Variants in SLC8A2 observed in about 807,000 individuals in gnomAD.
SLC8A2 encodes the protein sodium/calcium exchanger 2.
In SLC8A2, 14 loss-of-function variants were observed where a neutral mutation model predicts 70.2. The ratio of observed to expected loss-of-function variants is 0.20; its 90% CI spans 0.13 to 0.31. The LOEUF (loss-of-function observed/expected upper bound fraction) is 0.31. SLC8A2 is among the 10% of genes least tolerant of loss of function. SLC8A2 has a pLI of 1.00. For missense variants in SLC8A2, 779 were observed against 1,320.1 expected (o/e 0.59, Z 6.35); for synonymous variants, 575 against 594.3 (o/e 0.97, Z 0.47).
chr19:47,456,715 C>T (rs1194538698), intron 3 of SLC8A2, among the ~76,000 whole-genome samples: 1 of 152,206 alleles, frequency 6.6e-6, no homozygotes, highest in Non-Finnish European at 1.5e-5. Context: ...GTGTAGCCTT[C>T]GGATAGCCAT....
chr19:47,456,028 C>T (rs1182016079), intron 3 of SLC8A2, among the ~76,000 whole-genome samples: 2 of 152,232 alleles, frequency 1.3e-5, no homozygotes, highest in African/African-American at 4.8e-5. Flanking sequence ...TTTATATCCT[C>T]ATTGCAATTT....
At chr19:47,441,285 C>T (rs1313519356) in intron 5 of SLC8A2, 52 bp downstream of exon 5, 15 of 1,584,706 alleles carry the variant, frequency 9.5e-6, no homozygotes, top group East Asian at 2.2e-5. Context: ...CCCTGAAAGT[C>T]CCCCGACCCT....
chr19:47,444,405 C>G (rs938828120), intron 4 of SLC8A2, among the ~76,000 whole-genome samples: 2 of 152,160 alleles, frequency 1.3e-5, no homozygotes, highest in African/African-American at 4.8e-5. Flanking sequence ...ATCCGCCCAC[C>G]TCCACCCTCC....
At chr19:47,446,982 C>A (rs1220602292) in intron 4 of SLC8A2, among the ~76,000 whole-genome samples, 1 of 152,106 alleles carries the variant, frequency 6.6e-6, no homozygotes, top group Non-Finnish European at 1.5e-5. Context: ...AGCCCTCAGG[C>A]TCCCCAGTGT....
At chr19:47,436,825 C>G (rs193087440) in intron 8 of SLC8A2, among the ~76,000 whole-genome samples, 84 of 152,250 alleles carry the variant, frequency 5.5e-4, no homozygotes, top group African/African-American at 1.8e-3. Flanking sequence ...GCAGTGTGGG[C>G]CTGTCTGAGG....
intron 1 of SLC8A2, among the ~76,000 whole-genome samples, chr19:47,470,961 G>A (rs1174025391): frequency 6.6e-6 from 1 of 151,988 alleles, no homozygotes; most frequent in South Asian, 2.1e-4. Flanking sequence ...CCCACTCTGC[G>A]GGTGGGGGGG....
intron 1 of SLC8A2, among the ~76,000 whole-genome samples, chr19:47,470,545 A>G (rs954063522): frequency 2.0e-5 from 3 of 152,186 alleles, no homozygotes; most frequent in Non-Finnish European, 4.4e-5. Flanking sequence ...ACACCAGGAA[A>G]GGGATGGAAG....
chr19:47,435,201 G>C (rs779103678), intron 8 of SLC8A2, among the ~76,000 whole-genome samples: 1 of 151,904 alleles, frequency 6.6e-6, no homozygotes, highest in African/African-American at 2.4e-5. Flanking sequence ...CTGGATGACA[G>C]AGACTACATA....
intron 2 of SLC8A2, among the ~76,000 whole-genome samples, chr19:47,460,438 C>T (rs570158339): frequency 6.6e-6 from 1 of 152,214 alleles, no homozygotes; most frequent in Non-Finnish European, 1.5e-5. Flanking sequence ...TGGCTCACGC[C>T]TGTAATCCCA....
In SLC8A2 at chr19:47,430,408, C is replaced by G; in HGVS notation, c.2447G>C (p.Gly816Ala). 6.2e-7 allele frequency: 1 copy of G among 1,609,442 alleles called. No homozygotes were observed. ...CACCGCGTTGGAGCCGGTCACGTTG[C>G]CGATGGACGCGTCGGCGCACTGGTC... Reference protein sequence around the residue: ...LQDQCADASIGNVTGSNAVNV... With the variant: ...LQDQCADASIANVTGSNAVNV... The change falls in exon 10 of 10, where the codon GGC becomes GCC. Residue 816 changes from glycine (G) to alanine (A), a missense_variant. Coordinates refer to ENST00000236877, the MANE Select transcript of SLC8A2 (RefSeq NM_015063.3). The surrounding 1 kb of genome is among the most constrained non-coding windows in gnomAD (Gnocchi z 5.9).
chr19:47,459,506 CTCTG>C (rs1967361900), intron 2 of SLC8A2, among the ~76,000 whole-genome samples: 1 of 152,076 alleles, frequency 6.6e-6, no homozygotes, highest in Non-Finnish European at 1.5e-5. Context: ...TGCTCCCCAT[CTCTG>C]TGTGTGTGCA....
Position 47,456,956 on chromosome 19 carries a change from G to T in SLC8A2, c.1314C>A (p.Ala438=). 6.2e-7 allele frequency: 1 copy of T among 1,610,206 alleles called. No individual in the cohort carries two copies. The highest frequency in any genetic ancestry group is 1.1e-5 in the South Asian group (1 of 90,648). The change falls in exon 3 of 10, where the codon GCC becomes GCA. Residue 438 remains alanine (A), a synonymous_variant. Coordinates refer to ENST00000236877, the MANE Select transcript of SLC8A2 (RefSeq NM_015063.3). ...TGTACTCGTAGTCGGAGCCCGCCTTGGCAGAGCCGTCCTCAGTGCGGTAGT... is the reference window on the plus strand; with the variant it reads ...TGTACTCGTAGTCGGAGCCCGCCTTTGCAGAGCCGTCCTCAGTGCGGTAGT... The part of the protein sequence containing the change: ...YVDYRTEDGS[A]KAGSDYEYSE...
Position 47,466,596 on chromosome 19 carries a change from AG to A in SLC8A2, c.-16-178del, listed in dbSNP as rs1170450603. Among the ~76,000 whole-genome samples, 136 of 152,116 alleles carry A rather than the reference AG, an allele frequency of 8.9e-4. 2 individuals carry two copies. Among genetic ancestry groups the A allele is most frequent in the Admixed American group, 1.9e-3 (29 of 15,278 alleles). On this transcript the variant is annotated intron_variant, in intron 1 of 9. Transcript: ENST00000236877. This position sits in a 1 kb window ranked among gnomAD's most constrained non-coding sequence, Gnocchi z 6.9. ...GACAGACAGAGACCCACAGAGAGAG[AG>A]AGAGACTGAAAGATAAGGACAGAGG...
chr19:47,456,980 G>A lies in SLC8A2; in HGVS notation c.1290C>T (p.Asp430=). The A allele has an allele frequency of 1.2e-6, 2 of 1,612,540 alleles. No homozygotes were observed. The highest frequency in any genetic ancestry group is 1.7e-6 in the Non-Finnish European group (2 of 1,179,544). ...GGEGNSTFYV[D]YRTEDGSAKA... is the part of the protein sequence containing the mutation. ...TGGCAGAGCCGTCCTCAGTGCGGTA[G>A]TCCACGTAGAAGGTGCTGTTGCCCT... Residue 430 remains aspartate, a synonymous_variant, in exon 3 of 10, where the codon GAC becomes GAT. Coordinates refer to ENST00000236877, the MANE Select transcript of SLC8A2 (RefSeq NM_015063.3).
intron 3 of SLC8A2, among the ~76,000 whole-genome samples, chr19:47,454,158 A>AAAAC (rs1967276365): frequency 6.6e-6 from 1 of 152,066 alleles, no homozygotes; most frequent in African/African-American, 2.4e-5. Context: ...AAAACAATAA[A>AAAAC]AAACAATCTT....
rs1188649394 is a variant in SLC8A2 at position 47,457,020 on chromosome 19, G to T, written c.1250C>A (p.Thr417Lys). The T allele has an allele frequency of 6.2e-7, 1 of 1,612,116 alleles. No individual in the cohort carries two copies. The highest frequency in any genetic ancestry group is 8.5e-7 in the Non-Finnish European group (1 of 1,179,294). ...ENCGSVLLSV[T>K]CQGGEGNSTF... ...GCTGTTGCCCTCGCCGCCCTGGCAC[G>T]TGACGGACAGCAGCACGGAGCCGCA... Residue 417 changes from threonine to lysine, a missense_variant, in exon 3 of 10, where the codon ACG (threonine) becomes AAG (lysine). By Grantham distance (78) the Thr-to-Lys change is moderately conservative. This residue lies in a region of SLC8A2 where 186 missense variants were observed against 246.6 expected (regional missense o/e 0.75). Transcript: ENST00000236877.
At chr19:47,463,595 G>A (rs1371073376) in intron 2 of SLC8A2, among the ~76,000 whole-genome samples, 1 of 150,410 alleles carries the variant, frequency 6.6e-6, no homozygotes, top group Non-Finnish European at 1.5e-5. Flanking sequence ...AGCTGACGTG[G>A]TGGAACACAC....
Position 47,432,160 on chromosome 19 carries a change from G to C in SLC8A2, c.2389+7C>G. On this transcript the variant is annotated splice_region_variant and intron_variant, in intron 9 of 9. Transcript: ENST00000236877. This position sits in a 1 kb window ranked among gnomAD's most constrained non-coding sequence, Gnocchi z 6.2. Reference sequence around the variant, plus strand: ...TCCTACCCCACCAAAGTCTCCCAGGGTGTTACCAGGGATGGAGGTGCCCAG... The same window carrying C: ...TCCTACCCCACCAAAGTCTCCCAGGCTGTTACCAGGGATGGAGGTGCCCAG... 1.9e-6 allele frequency: 3 copies of C among 1,600,218 alleles called. No homozygotes were observed. The highest frequency in any genetic ancestry group is 2.6e-6 in the Non-Finnish European group (3 of 1,171,570).
intron 3 of SLC8A2, among the ~76,000 whole-genome samples, chr19:47,450,194 G>A (rs755158558): frequency 7.2e-5 from 11 of 152,092 alleles, no homozygotes; most frequent in Non-Finnish European, 1.5e-4. Flanking sequence ...ACCCTGCTAT[G>A]TGATCCATAT....
Sources: allele counts gnomAD v4.1 joint callset (sites outside exome capture counted in the v4.1 genomes callset), GRCh38; gene constraint gnomAD v4.1.1; regional missense constraint gnomAD v4.1.1; non-coding constraint Gnocchi (gnomAD v3.1); transcripts MANE v1.5; gene names NCBI Gene and HGNC (gene_info 2026-07-23, HGNC 2026-07-21).